NPY2R: variants seen among roughly 807,000 people sequenced by gnomAD.
NPY2R encodes neuropeptide Y receptor type 2.
A neutral mutation model predicts 22.3 loss-of-function variants in NPY2R; 17 were observed. The observed-to-expected ratio is 0.76, with a 90% CI of 0.52 to 1.14. NPY2R has a LOEUF of 1.14. Among genes scored for constraint, NPY2R ranks in the 50% most tolerant of loss-of-function variants. The pLI is 0.00. For missense variants in NPY2R, 424 were observed against 467.9 expected (o/e 0.91, Z 0.87); for synonymous variants, 209 against 183.4 (o/e 1.14, Z -1.13).
the NPY2R span, among the ~76,000 whole-genome samples, chr4:155,185,359 T>C: frequency 6.6e-6 from 1 of 152,128 alleles, no homozygotes; most frequent in African/African-American, 2.4e-5. Flanking sequence ...TTAATAAAAA[T>C]TCCTTCAATA....
chr4:155,212,560 C>A (rs1574175), intron 1 of NPY2R, among the ~76,000 whole-genome samples: 1 of 151,940 alleles, frequency 6.6e-6, no homozygotes, highest in Admixed American at 6.6e-5. Context: ...GAAGTAAAGG[C>A]GCCAGGATGG....
chr4:155,176,861 G>C, the NPY2R span, among the ~76,000 whole-genome samples: 1 of 152,130 alleles, frequency 6.6e-6, no homozygotes, highest in African/African-American at 2.4e-5. Flanking sequence ...GGGGTGAGCT[G>C]TACCTTCACA....
In NPY2R at chr4:155,209,959, G is replaced by A. The variant is rs1729369245; in HGVS notation, c.-49+890G>A. Among the ~76,000 whole-genome samples the A allele has an allele frequency of 2.6e-5, 4 of 152,110 alleles. No individual in the cohort carries two copies. In the South Asian group the frequency reaches 8.3e-4, roughly 32 times the overall value. On this transcript the variant is annotated intron_variant, in intron 1 of 1. Coordinates refer to ENST00000329476, the MANE Select transcript of NPY2R (RefSeq NM_000910.4). Reference sequence around the variant, plus strand: ...CTCGGGTGGTGGGCTGCTGGGGGAAGTCCTGAAACTCTTTTCCTATTCTGC... The same window carrying A: ...CTCGGGTGGTGGGCTGCTGGGGGAAATCCTGAAACTCTTTTCCTATTCTGC...
the NPY2R span, among the ~76,000 whole-genome samples, chr4:155,200,700 GC>G: frequency 6.6e-6 from 1 of 152,092 alleles, no homozygotes; most frequent in African/African-American, 2.4e-5. Flanking sequence ...CATGTCCTTT[GC>G]AGGGACATGG....
the NPY2R span, among the ~76,000 whole-genome samples, chr4:155,183,547 C>T: frequency 1.3e-5 from 2 of 152,018 alleles, no homozygotes; most frequent in South Asian, 4.2e-4. Flanking sequence ...GAAGAGATGG[C>T]CAGAGGCATG....
At chr4:155,194,735 A>G in the NPY2R span, among the ~76,000 whole-genome samples, 1 of 151,956 alleles carries the variant, frequency 6.6e-6, no homozygotes, top group African/African-American at 2.4e-5. Context: ...TAGACAATTT[A>G]TATTCCTTTG....
At chr4:155,174,485 T>TATATATATATATATATATATATATATA in the NPY2R span, among the ~76,000 whole-genome samples, 62 of 41,580 alleles carry the variant, frequency 1.5e-3, no homozygotes, top group African/African-American at 4.5e-3. Flanking sequence ...TATATATATA[T>TATATATATATATATATATATATATATA]TTTTTTTTTT....
chr4:155,215,150 G>T lies in NPY2R; in HGVS notation c.*65G>T. 7.1e-7 allele frequency: 1 copy of T among 1,415,026 alleles called. No individual in the cohort carries two copies. Among genetic ancestry groups the T allele is most frequent in the Non-Finnish European group, 1.0e-6 (1 of 1,002,418 alleles). The allele number at this position is 1,415,026 out of a possible 1,614,324, so 87.7% of individuals were successfully genotyped here. A position where few individuals can be genotyped will look rare whatever the true frequency, so the allele number is the denominator to read the frequency against. On this transcript the variant is annotated 3_prime_UTR_variant, in exon 2 of 2. Coordinates refer to ENST00000329476, the MANE Select transcript of NPY2R (RefSeq NM_000910.4). ...AGAGCTATGAATCTGGTTGATGGCG[G>T]CTCACAAGTGAAAACTGATTTCCCA...
chr4:155,214,803 G>C lies in NPY2R; in HGVS notation c.864G>C (p.Gln288His), dbSNP rs1251246924. ...AVSWLPLHAF[Q>H]LAVDIDSQVL... is the part of the protein sequence containing the mutation. Reference sequence around the variant, plus strand: ...GCTGGCTGCCTCTCCATGCCTTCCAGCTTGCCGTTGACATTGACAGCCAGG... The same window carrying C: ...GCTGGCTGCCTCTCCATGCCTTCCACCTTGCCGTTGACATTGACAGCCAGG... Residue 288 changes from glutamine to histidine, a missense_variant, in exon 2 of 2, where the codon CAG becomes CAC. Physicochemically the swap from Gln to His is conservative, Grantham distance 24. Transcript: ENST00000329476. 6.2e-7 allele frequency: 1 copy of C among 1,612,590 alleles called. No individual in the cohort carries two copies. The highest frequency in any genetic ancestry group is 8.5e-7 in the Non-Finnish European group (1 of 1,178,994).
At chr4:155,187,332 G>C in the NPY2R span, among the ~76,000 whole-genome samples, 1 of 152,150 alleles carries the variant, frequency 6.6e-6, no homozygotes, top group Admixed American at 6.6e-5. Context: ...ATGCAACAGA[G>C]AATAGATCCC....
At chr4:155,185,852 C>T in the NPY2R span, among the ~76,000 whole-genome samples, 1 of 151,846 alleles carries the variant, frequency 6.6e-6, no homozygotes, top group Non-Finnish European at 1.5e-5. Flanking sequence ...GGCAGTCACA[C>T]CATCTATTGT....
the NPY2R span, among the ~76,000 whole-genome samples, chr4:155,185,457 A>G: frequency 6.6e-6 from 1 of 152,194 alleles, no homozygotes; most frequent in African/African-American, 2.4e-5. Flanking sequence ...TCCCTGAAAA[A>G]TTTATAGTAG....
chr4:155,177,489 C>T, the NPY2R span, among the ~76,000 whole-genome samples: 2 of 147,278 alleles, frequency 1.4e-5, no homozygotes, highest in South Asian at 4.4e-4. Flanking sequence ...GGGGTCCCCA[C>T]CAGTTCAACT....
chr4:155,194,173 T>C, the NPY2R span, among the ~76,000 whole-genome samples: 6 of 151,984 alleles, frequency 3.9e-5, no homozygotes, highest in African/African-American at 1.4e-4. Context: ...TTGTGCAAGA[T>C]GAATAATTCC....
chr4:155,180,670 TA>T, the NPY2R span, among the ~76,000 whole-genome samples: 1 of 152,094 alleles, frequency 6.6e-6, no homozygotes, highest in Non-Finnish European at 1.5e-5. Context: ...CTCTAATATA[TA>T]TATTTGATGA....
the NPY2R span, among the ~76,000 whole-genome samples, chr4:155,175,937 C>G: frequency 2.0e-5 from 3 of 152,104 alleles, no homozygotes; most frequent in African/African-American, 7.2e-5. Flanking sequence ...CCAATCATCT[C>G]ATAGAGCTGA....
At chr4:155,180,253 C>T in the NPY2R span, among the ~76,000 whole-genome samples, 1 of 152,048 alleles carries the variant, frequency 6.6e-6, no homozygotes. Flanking sequence ...AGCAGAAATG[C>T]TGCCATCAGT....
chr4:155,195,242 GTC>G, the NPY2R span, among the ~76,000 whole-genome samples: 9 of 151,816 alleles, frequency 5.9e-5, no homozygotes, highest in East Asian at 1.7e-3. Flanking sequence ...CTCTCTCTCT[GTC>G]TCTCTCTCTC....
chr4:155,203,257 C>T, the NPY2R span, among the ~76,000 whole-genome samples: 1 of 152,036 alleles, frequency 6.6e-6, no homozygotes, highest in African/African-American at 2.4e-5. Flanking sequence ...TGACTACTTG[C>T]TTTTCTTGAA....
Sources: allele counts gnomAD v4.1 joint callset (sites outside exome capture counted in the v4.1 genomes callset), GRCh38; gene constraint gnomAD v4.1.1; transcripts MANE v1.5; gene names NCBI Gene and HGNC (gene_info 2026-07-23, HGNC 2026-07-21).